KCTD1: variants seen among roughly 807,000 people sequenced by gnomAD.
KCTD1 encodes the protein BTB/POZ domain-containing protein KCTD1.
KCTD1 carries 24 observed loss-of-function variants against 66.0 expected under a neutral mutation model. The observed-to-expected ratio is 0.36, with a 90% CI of 0.26 to 0.51. The LOEUF (loss-of-function observed/expected upper bound fraction) is 0.51, where lower values mean the gene tolerates loss of function less well. Ranked by LOEUF, KCTD1 falls within the 20% of genes least tolerant of loss-of-function variation. KCTD1 has a pLI of 0.95. For missense variants in KCTD1, 943 were observed against 1,205.2 expected (o/e 0.78, Z 3.22); for synonymous variants, 511 against 517.2 (o/e 0.99, Z 0.16).
At chr18:26,552,629 C>T (rs1598938256), upstream of KCTD1, among the ~76,000 whole-genome samples, 1 of 152,262 alleles carries the variant, frequency 6.6e-6, no homozygotes, top group Admixed American at 6.5e-5. Context: ...ATCATTAATT[C>T]CCTCTCTAGT....
chr18:26,576,056 G>A (rs1414933803), intron 1 of KCTD1, among the ~76,000 whole-genome samples: 7 of 152,176 alleles, frequency 4.6e-5, no homozygotes, highest in Admixed American at 3.9e-4. Context: ...TATACTCCCT[G>A]TAGATAGCAT....
At chr18:26,501,651 C>G (rs1982770064) in intron 1 of KCTD1, among the ~76,000 whole-genome samples, 1 of 152,218 alleles carries the variant, frequency 6.6e-6, no homozygotes, top group Non-Finnish European at 1.5e-5. Context: ...AGTTAGCCCT[C>G]TCTTTGAAAA....
intron 3 of KCTD1, among the ~76,000 whole-genome samples, chr18:26,464,925 TAACAAAAGACA>T (rs1050508338): frequency 6.6e-6 from 1 of 152,188 alleles, no homozygotes; most frequent in Non-Finnish European, 1.5e-5. Flanking sequence ...GTGGTCATCA[TAACAAAAGACA>T]GATCTCTGTA....
intron 1 of KCTD1, among the ~76,000 whole-genome samples, chr18:26,537,356 C>T (rs535315603): frequency 5.5e-4 from 83 of 152,240 alleles, no homozygotes; most frequent in Admixed American, 9.8e-4. Context: ...ATATGCTATT[C>T]TATAAAACCC....
At chr18:26,505,799 TCTTCCCA>T (rs1248811728) in intron 1 of KCTD1, among the ~76,000 whole-genome samples, 1 of 152,178 alleles carries the variant, frequency 6.6e-6, no homozygotes, top group Non-Finnish European at 1.5e-5. Flanking sequence ...CCTCAAATGA[TCTTCCCA>T]CCTAGGCCTC....
upstream of KCTD1, among the ~76,000 whole-genome samples, chr18:26,643,447 GAC>G (rs1987868995): frequency 6.6e-6 from 1 of 152,200 alleles, no homozygotes; most frequent in Non-Finnish European, 1.5e-5. Flanking sequence ...AGACAGGAAA[GAC>G]AAGATGTTAG....
At chr18:26,535,119 G>T (rs1289607441) in intron 1 of KCTD1, among the ~76,000 whole-genome samples, 3 of 131,898 alleles carry the variant, frequency 2.3e-5, no homozygotes, top group African/African-American at 8.6e-5. Flanking sequence ...GGGGGTGGGG[G>T]TGGAGCTGCC....
intron 1 of KCTD1, among the ~76,000 whole-genome samples, chr18:26,583,885 T>TGG (rs1430353254): frequency 6.6e-6 from 1 of 152,222 alleles, no homozygotes; most frequent in Non-Finnish European, 1.5e-5. Flanking sequence ...TAATGGTAGC[T>TGG]GTTTTCTTAA....
At chr18:26,568,176 G>T (rs1473359848) in intron 1 of KCTD1, among the ~76,000 whole-genome samples, 1 of 152,152 alleles carries the variant, frequency 6.6e-6, no homozygotes, top group Non-Finnish European at 1.5e-5. Flanking sequence ...ATTATCACGA[G>T]GGAAAGAGTG....
intron 2 of KCTD1, among the ~76,000 whole-genome samples, chr18:26,496,179 G>C (rs1598896710): frequency 6.6e-6 from 1 of 152,094 alleles, no homozygotes; most frequent in East Asian, 1.9e-4. Flanking sequence ...GATATAATCA[G>C]GTCTGCCCTT....
intron 1 of KCTD1, chr18:26,543,269 A>G (rs2144820634): frequency 6.6e-6 from 1 of 152,344 alleles, no homozygotes; most frequent in Admixed American, 6.5e-5. Flanking sequence ...CCACTCTTTA[A>G]AAGGCAGTTA....
chr18:26,568,156 T>C (rs1986025644), intron 1 of KCTD1, among the ~76,000 whole-genome samples: 1 of 152,214 alleles, frequency 6.6e-6, no homozygotes, highest in African/African-American at 2.4e-5. Context: ...GCAAAAGTAA[T>C]ATAAGTGGAA....
chr18:26,478,565 A>G (rs1981466120), intron 2 of KCTD1, among the ~76,000 whole-genome samples: 1 of 152,216 alleles, frequency 6.6e-6, no homozygotes, highest in Admixed American at 6.5e-5. Flanking sequence ...TTCTTTTAAA[A>G]ATCCTGTTTT....
intron 1 of KCTD1, chr18:26,600,125 A>G: frequency 6.2e-7 from 1 of 1,610,080 alleles, no homozygotes; most frequent in South Asian, 1.1e-5. Context: ...GGGGAAGGGA[A>G]AAAGAGGAAG....
chr18:26,607,852 C>T (rs1234699103), intron 1 of KCTD1, among the ~76,000 whole-genome samples: 2 of 152,208 alleles, frequency 1.3e-5, no homozygotes, highest in Admixed American at 6.5e-5. Context: ...ACTGCAGCCT[C>T]AAACTCCCAG....
At position 26,548,117 on chromosome 18, in the gene KCTD1, C is replaced by T; in HGVS notation, c.420G>A (p.Leu140=). ...GCGGCCCACCGCGGGCCCGGGGCGC[C>T]AGCAGTCGCGGCGGCGCCTCGGGCT... ...ALEPEAPPRL[L]APRARGGPPG... The change falls in exon 1 of 5, where the codon CTG becomes CTA. Residue 140 remains leucine, a synonymous_variant. Coordinates refer to ENST00000580059, the MANE Select transcript of KCTD1 (RefSeq NM_001142730.3). The T allele has an allele frequency of 7.6e-7, 1 of 1,309,170 alleles. No individual in the cohort carries two copies. The highest frequency in any genetic ancestry group is 9.6e-7 in the Non-Finnish European group (1 of 1,038,364). The allele number at this position is 1,309,170 out of a possible 1,614,324, so 81.1% of individuals were successfully genotyped here.
chr18:26,546,713 G>C lies in KCTD1; in HGVS notation c.1809+15C>G. 6.5e-7 allele frequency: 1 copy of C among 1,540,438 alleles called. No homozygotes were observed. Among genetic ancestry groups the C allele is most frequent in the Non-Finnish European group, 8.8e-7 (1 of 1,142,450 alleles). ...ACCAAAGAAACATTTCATGCATAGAGTTTGGTTTGGTTACCTGGGTGGGGG... is the reference window on the plus strand; with the variant it reads ...ACCAAAGAAACATTTCATGCATAGACTTTGGTTTGGTTACCTGGGTGGGGG... On this transcript the variant is annotated intron_variant, in intron 1 of 4. Transcript: ENST00000580059.
intron 1 of KCTD1, among the ~76,000 whole-genome samples, chr18:26,610,617 T>TGAAG (rs1223751727): frequency 1.0e-4 from 12 of 118,608 alleles, no homozygotes; most frequent in African/African-American, 3.3e-4. Context: ...AAGGAAGGAA[T>TGAAG]GAAGGAAGGA....
At chr18:26,587,441 T>G (rs1315836748) in intron 1 of KCTD1, among the ~76,000 whole-genome samples, 1 of 152,248 alleles carries the variant, frequency 6.6e-6, no homozygotes, top group Non-Finnish European at 1.5e-5. Flanking sequence ...GTTGTTTTCA[T>G]GTCTGCTAAC....
Sources: allele counts gnomAD v4.1 joint callset (sites outside exome capture counted in the v4.1 genomes callset), GRCh38; gene constraint gnomAD v4.1.1; transcripts MANE v1.5; gene names NCBI Gene and HGNC (gene_info 2026-07-23, HGNC 2026-07-21).